IPO5: variants seen among roughly 807,000 people sequenced by gnomAD.
IPO5 encodes importin-5.
In IPO5, 18 loss-of-function variants were observed where a neutral mutation model predicts 143.3. That is an observed-to-expected ratio of 0.13 (90% CI 0.09 to 0.19). IPO5 has a LOEUF of 0.19. IPO5 is among the 10% of genes least tolerant of loss of function. The pLI, the probability that IPO5 is intolerant of heterozygous loss-of-function variation, is 1.00. For missense variants in IPO5, 1,013 were observed against 1,336.9 expected, an observed-to-expected ratio of 0.76 and a Z score of 3.78; for synonymous variants, 477 against 465.7, an observed-to-expected ratio of 1.02 and a Z score of -0.31.
chr13:98,012,437 C>T, intron 21 of IPO5, 95 bp downstream of exon 21: 1 of 787,508 alleles, frequency 1.3e-6, no homozygotes, highest in Non-Finnish European at 2.2e-6. Context: ...TAGACTTCAC[C>T]ATGATTGTTT....
At chr13:97,993,785 A>G (rs1161153819) in intron 11 of IPO5, among the ~76,000 whole-genome samples, 6 of 152,140 alleles carry the variant, frequency 3.9e-5, no homozygotes, top group Admixed American at 1.3e-4. Context: ...TGGCCTAGCC[A>G]TTTCTTAATG....
chr13:98,005,401 A>G (rs1889152154), intron 16 of IPO5, among the ~76,000 whole-genome samples: 1 of 134,526 alleles, frequency 7.4e-6, no homozygotes, highest in Admixed American at 7.3e-5. Flanking sequence ...TTATTTATTT[A>G]TTTATTTAGT....
At chr13:97,975,945 A>C in intron 3 of IPO5, 1 of 985,720 alleles carries the variant, frequency 1.0e-6, no homozygotes, top group Non-Finnish European at 1.2e-6. Flanking sequence ...CCCTGAGTCC[A>C]CAGCCCTGGG....
intron 27 of IPO5, among the ~76,000 whole-genome samples, chr13:98,020,142 CAAG>C (rs1890380850): frequency 6.6e-6 from 1 of 152,210 alleles, no homozygotes; most frequent in Non-Finnish European, 1.5e-5. Flanking sequence ...CTCTTGGCCT[CAAG>C]AGATCCTCCC....
rs943022766 is a variant in IPO5 at position 98,017,301 on chromosome 13, T to A, written c.2616+450T>A. Among the ~76,000 whole-genome samples the A allele has an allele frequency of 5.9e-5, 9 of 151,984 alleles. No homozygotes were observed. The East Asian group carries it at 7.7e-4, about 13-fold the overall frequency. ...CTCTCACCCTTATATTTGATTTTTT[T>A]AAAATGTTTTATAGACTTCTTTTTG... On this transcript the variant is annotated intron_variant, in intron 25 of 28. Coordinates refer to ENST00000651721, the MANE Select transcript of IPO5 (RefSeq NM_002271.6).
intron 5 of IPO5, among the ~76,000 whole-genome samples, chr13:97,983,098 T>G (rs1471847042): frequency 6.6e-6 from 1 of 152,204 alleles, no homozygotes; most frequent in Non-Finnish European, 1.5e-5. Context: ...CTCGAACTCC[T>G]GACCTCAAGT....
At chr13:97,981,146 A>G (rs1036773410) in intron 4 of IPO5, 4 of 396,322 alleles carry the variant, frequency 1.0e-5, no homozygotes, top group African/African-American at 8.5e-5. Context: ...AGTTTTCAGC[A>G]TTGTTAAGAT....
intron 2 of IPO5, 125 bp downstream of exon 2, chr13:97,954,323 T>G (rs1167817003): frequency 6.5e-6 from 1 of 152,764 alleles, no homozygotes; most frequent in African/African-American, 2.4e-5. Context: ...TCTTGATCAT[T>G]TTACCTTCTA....
At position 97,990,196 on chromosome 13, in the gene IPO5, T is replaced by C; in HGVS notation, c.538T>C (p.Cys180Arg). ...TGTCATCAAACGAATGTTAGTTCAG[T>C]GTATGCAAGATCAGGAACACCCGTC... The part of the protein sequence containing the change: ...LDVIKRMLVQ[C>R]MQDQEHPSIR... Residue 180 changes from cysteine to arginine, a missense_variant, in exon 8 of 29, where the codon TGT (cysteine) becomes CGT (arginine). By Grantham distance (180) the Cys-to-Arg change is radical. Transcript: ENST00000651721. The C allele has an allele frequency of 1.2e-6, 2 of 1,611,286 alleles. No homozygotes were observed. Among genetic ancestry groups the C allele is most frequent in the Non-Finnish European group, 1.7e-6 (2 of 1,177,576 alleles).
At chr13:97,983,534 TCCA>T (rs755402380) in intron 5 of IPO5, among the ~76,000 whole-genome samples, 5 of 45,568 alleles carry the variant, frequency 1.1e-4, no homozygotes, top group African/African-American at 2.2e-4. Context: ...TGTAGCTAAT[TCCA>T]CCCCCCCCCC....
chr13:97,991,728 T>G (rs1226631952), intron 9 of IPO5, among the ~76,000 whole-genome samples: 1 of 152,196 alleles, frequency 6.6e-6, no homozygotes, highest in Non-Finnish European at 1.5e-5. Context: ...ATACAGTAGT[T>G]ACATTGGAGG....
intron 2 of IPO5, among the ~76,000 whole-genome samples, chr13:97,963,675 C>T (rs553314978): frequency 2.2e-4 from 33 of 152,162 alleles, no homozygotes; most frequent in Middle Eastern, 3.4e-3. Flanking sequence ...GCCATTATTA[C>T]AGCTTTATAG....
chr13:97,980,988 A>C (rs1379394756), intron 4 of IPO5, among the ~76,000 whole-genome samples: 1 of 152,138 alleles, frequency 6.6e-6, no homozygotes, highest in African/African-American at 2.4e-5. Context: ...TGGTATAAGG[A>C]GTTGCTTTGG....
At chr13:98,012,012 A>G (rs982596663) in intron 20 of IPO5, among the ~76,000 whole-genome samples, 8 of 152,050 alleles carry the variant, frequency 5.3e-5, no homozygotes, top group African/African-American at 1.5e-4. Flanking sequence ...ATATACGACA[A>G]TAATTTCCTT....
intron 3 of IPO5, among the ~76,000 whole-genome samples, chr13:97,975,078 T>C (rs1316700799): frequency 6.6e-6 from 1 of 152,146 alleles, no homozygotes; most frequent in African/African-American, 2.4e-5. Flanking sequence ...TTCCCTAAGT[T>C]AAATACTATG....
In IPO5 at chr13:97,997,576, A is replaced by T; in HGVS notation, c.959A>T (p.Asp320Val). ...AMMVDLEEDEDWANADELEDD... is the reference protein window; with the variant it reads ...AMMVDLEEDEVWANADELEDD... ...ATGGTTGATTTGGAAGAAGATGAGG[A>T]CTGGGCAAATGCAGATGAACTAGAA... Residue 320 changes from aspartate to valine, a missense_variant, in exon 12 of 29, where the codon GAC becomes GTC. Asp to Val is a radical substitution (Grantham distance 152, BLOSUM62 -3). Transcript: ENST00000651721. The T allele has an allele frequency of 3.1e-6, 5 of 1,611,388 alleles. No individual in the cohort carries two copies. Among genetic ancestry groups the T allele is most frequent in the Non-Finnish European group, 4.2e-6 (5 of 1,177,900 alleles).
At chr13:97,975,892 C>A (rs1886244641) in intron 3 of IPO5, 1 of 985,314 alleles carries the variant, frequency 1.0e-6, no homozygotes, top group Non-Finnish European at 1.2e-6. Flanking sequence ...CCGGGCAAGC[C>A]CCAGGCGTGA....
intron 5 of IPO5, among the ~76,000 whole-genome samples, chr13:97,985,101 C>T (rs1887212218): frequency 6.6e-6 from 1 of 152,068 alleles, no homozygotes; most frequent in East Asian, 1.9e-4. Flanking sequence ...AAAGAGCATT[C>T]ATTATAGGGT....
At position 98,015,539 on chromosome 13, in the gene IPO5, G is replaced by C; in HGVS notation, c.2335G>C (p.Val779Leu). The change falls in exon 23 of 29, where the codon GTA (valine) becomes CTA (leucine). Residue 779 changes from valine (V) to leucine (L), a missense_variant. Physicochemically the swap from Val to Leu is conservative, Grantham distance 32. Coordinates refer to ENST00000651721, the MANE Select transcript of IPO5 (RefSeq NM_002271.6). Reference protein sequence around the residue: ...IMHSFAKCIEVMGDGCLNNEH... With the variant: ...IMHSFAKCIELMGDGCLNNEH... ...TCCTCAACCTCATTAGTGCATTGAA[G>C]TAATGGGAGATGGATGCCTTAATAA... 6.3e-7 allele frequency: 1 copy of C among 1,597,072 alleles called. No individual in the cohort carries two copies. The highest frequency in any genetic ancestry group is 8.6e-7 in the Non-Finnish European group (1 of 1,165,754).
Sources: allele counts gnomAD v4.1 joint callset (sites outside exome capture counted in the v4.1 genomes callset), GRCh38; gene constraint gnomAD v4.1.1; transcripts MANE v1.5; gene names NCBI Gene and HGNC (gene_info 2026-07-23, HGNC 2026-07-21).